RHOJ: variants seen among roughly 807,000 people sequenced by gnomAD.
RHOJ encodes ras homolog family member J, also known as rho-related GTP-binding protein RhoJ.
In RHOJ, 11 loss-of-function variants were observed where a neutral mutation model predicts 23.4. The observed-to-expected ratio is 0.47, with a 90% CI of 0.30 to 0.78. The LOEUF (loss-of-function observed/expected upper bound fraction) is 0.78. Ranked by LOEUF, RHOJ falls within the 30% of genes least tolerant of loss-of-function variation. The pLI is 0.08. For missense variants in RHOJ, 254 were observed against 273.4 expected, an observed-to-expected ratio of 0.93 and a Z score of 0.50; for synonymous variants, 102 against 102.7, an observed-to-expected ratio of 0.99 and a Z score of 0.04.
intron 1 of RHOJ, among the ~76,000 whole-genome samples, chr14:63,225,707 G>A (rs1010867824): frequency 1.3e-5 from 2 of 152,174 alleles, no homozygotes; most frequent in Non-Finnish European, 2.9e-5. Flanking sequence ...TCACAGAAGA[G>A]ACAACAGTGG....
intron 1 of RHOJ, among the ~76,000 whole-genome samples, chr14:63,219,702 G>A (rs975293692): frequency 2.0e-5 from 3 of 151,954 alleles, no homozygotes; most frequent in Non-Finnish European, 4.4e-5. Flanking sequence ...TGTGGTCCCA[G>A]CTACTTGGGA....
At chr14:63,271,578 ATTTCT>A (rs1895470211) in intron 2 of RHOJ, among the ~76,000 whole-genome samples, 1 of 152,046 alleles carries the variant, frequency 6.6e-6, no homozygotes, top group Non-Finnish European at 1.5e-5. Context: ...AAGAATTTGC[ATTTCT>A]TTTATTTTAT....
At chr14:63,278,478 C>A (rs1184342382) in intron 2 of RHOJ, among the ~76,000 whole-genome samples, 2 of 151,928 alleles carry the variant, frequency 1.3e-5, no homozygotes. Context: ...GCAGAACGTG[C>A]AGGTTTGTTA....
chr14:63,231,194 T>G (rs1412693052), intron 1 of RHOJ, among the ~76,000 whole-genome samples: 1 of 152,174 alleles, frequency 6.6e-6, no homozygotes, highest in Non-Finnish European at 1.5e-5. Flanking sequence ...TGGCCGAGAC[T>G]TTCACTTTTA....
At chr14:63,285,662 C>T (rs1356707299) in intron 4 of RHOJ, among the ~76,000 whole-genome samples, 1 of 152,046 alleles carries the variant, frequency 6.6e-6, no homozygotes, top group Admixed American at 6.6e-5. Flanking sequence ...TATTCTCCCT[C>T]TTCTTTCTAT....
chr14:63,283,402 G>T, intron 4 of RHOJ, 186 bp downstream of exon 4: 1 of 589,042 alleles, frequency 1.7e-6, no homozygotes, highest in Non-Finnish European at 3.0e-6. Flanking sequence ...TAGCCTTCTT[G>T]TCAGCCAGCA....
intron 4 of RHOJ, 49 bp downstream of exon 4, chr14:63,283,265 G>A (rs768286714): frequency 2.0e-6 from 3 of 1,469,558 alleles, no homozygotes; most frequent in Admixed American, 3.4e-5. Context: ...AGAGAAGAGT[G>A]TGTTGTATGC....
At chr14:63,231,710 T>C (rs1275960714) in intron 1 of RHOJ, among the ~76,000 whole-genome samples, 2 of 152,226 alleles carry the variant, frequency 1.3e-5, no homozygotes, top group East Asian at 1.9e-4. Context: ...CTAAAACTTA[T>C]GAGGATTAAT....
intron 4 of RHOJ, among the ~76,000 whole-genome samples, chr14:63,287,979 T>C (rs1290562325): frequency 2.0e-5 from 3 of 152,192 alleles, no homozygotes; most frequent in African/African-American, 2.4e-5. Context: ...CTGGCTGTGC[T>C]TTTTCCTTGA....
intron 1 of RHOJ, among the ~76,000 whole-genome samples, chr14:63,228,571 T>C (rs1402068091): frequency 6.6e-6 from 1 of 151,796 alleles, no homozygotes; most frequent in Non-Finnish European, 1.5e-5. Flanking sequence ...GATAAAGTTG[T>C]ATGTGAAAAA....
At chr14:63,243,362 TAG>T (rs1337532613) in intron 1 of RHOJ, among the ~76,000 whole-genome samples, 1 of 152,116 alleles carries the variant, frequency 6.6e-6, no homozygotes, top group Non-Finnish European at 1.5e-5. Context: ...GTTGTTGAGA[TAG>T]ACTCTTGCTC....
At chr14:63,215,982 C>T (rs997112144) in intron 1 of RHOJ, among the ~76,000 whole-genome samples, 5 of 152,142 alleles carry the variant, frequency 3.3e-5, no homozygotes, top group East Asian at 1.9e-4. Context: ...CCTATGTGGA[C>T]GCTCAGGATA....
At chr14:63,251,056 A>T (rs1361130586) in intron 1 of RHOJ, among the ~76,000 whole-genome samples, 3 of 152,272 alleles carry the variant, frequency 2.0e-5, no homozygotes, top group African/African-American at 7.2e-5. Context: ...TTAATTAATT[A>T]ATTTAAAAAA....
chr14:63,242,338 T>C (rs112789794), intron 1 of RHOJ, among the ~76,000 whole-genome samples: 38 of 152,296 alleles, frequency 2.5e-4, no homozygotes, highest in African/African-American at 8.7e-4. Flanking sequence ...GGCAGGAGAA[T>C]GACTTAAGAC....
intron 1 of RHOJ, among the ~76,000 whole-genome samples, chr14:63,247,837 G>T (rs1245230336): frequency 1.3e-5 from 2 of 152,162 alleles, no homozygotes; most frequent in African/African-American, 4.8e-5. Flanking sequence ...GAGGTTTAAT[G>T]GACTCACCGT....
intron 1 of RHOJ, among the ~76,000 whole-genome samples, chr14:63,251,229 C>T (rs973106167): frequency 1.3e-5 from 2 of 152,244 alleles, no homozygotes; most frequent in Admixed American, 6.5e-5. Context: ...CCCATGGATG[C>T]CCTAGCACCC....
chr14:63,280,376 G>A (rs966675568), intron 2 of RHOJ, among the ~76,000 whole-genome samples: 1 of 152,116 alleles, frequency 6.6e-6, no homozygotes, highest in Non-Finnish European at 1.5e-5. Flanking sequence ...GTTACCAGAG[G>A]CAAGTAAGGA....
chr14:63,239,428 G>C (rs778828167), intron 1 of RHOJ, among the ~76,000 whole-genome samples: 3 of 152,196 alleles, frequency 2.0e-5, no homozygotes, highest in Non-Finnish European at 4.4e-5. Context: ...TCATTTTAAA[G>C]TAGGAATTGA....
intron 1 of RHOJ, among the ~76,000 whole-genome samples, chr14:63,254,181 C>A (rs1311278929): frequency 1.3e-5 from 2 of 152,226 alleles, no homozygotes; most frequent in South Asian, 2.1e-4. Flanking sequence ...CACTCCATCA[C>A]TGTCTATCTT....
Sources: gnomAD v4.1 joint callset for allele counts (sites outside exome capture counted in the v4.1 genomes callset) on GRCh38, gnomAD v4.1.1 for gene constraint, MANE v1.5 for transcripts, NCBI Gene and HGNC (gene_info 2026-07-23, HGNC 2026-07-21) for gene names.